RNF38: variants seen among roughly 807,000 people sequenced by gnomAD.
The protein encoded by RNF38 is ring finger protein 38, also known as E3 ubiquitin-protein ligase RNF38.
A neutral mutation model predicts 67.2 loss-of-function variants in RNF38; 15 were observed. That is an observed-to-expected ratio of 0.22 (90% confidence interval 0.15 to 0.34). The LOEUF is 0.34. Among genes scored for constraint, RNF38 ranks in the 10% least tolerant of loss-of-function variants. The pLI is 1.00. For synonymous variants in RNF38, 220 were observed against 218.8 expected, an observed-to-expected ratio of 1.01 and a Z score of -0.05; for missense variants, 524 against 639.9, an observed-to-expected ratio of 0.82 and a Z score of 1.95.
chr9:36,400,169 T>A lies in RNF38; in HGVS notation c.-61A>T. ...CTCAATAACCTGAAACACTCCCGTT[T>A]CAAAAACCAACCTCTCTCACGCTTC... On this transcript the variant is annotated 5_prime_UTR_variant, in exon 1 of 12. Coordinates refer to ENST00000259605, the MANE Select transcript of RNF38 (RefSeq NM_022781.5). 1 of 1,599,518 alleles carries A rather than the reference T, an allele frequency of 6.3e-7. No homozygotes were observed. The highest frequency in any genetic ancestry group is 2.2e-5 in the East Asian group (1 of 44,648).
intron 4 of RNF38, among the ~76,000 whole-genome samples, chr9:36,368,768 T>C (rs552152615): frequency 0.011 from 1,679 of 152,310 alleles, 28 homozygotes; most frequent in African/African-American, 0.038. Flanking sequence ...TAGATGAAAA[T>C]TGAGATCCTA....
At chr9:36,352,922 TA>T (rs1328129155) in intron 7 of RNF38, 74 bp from the exon 8 acceptor site, 6 of 1,092,688 alleles carry the variant, frequency 5.5e-6, no homozygotes, top group South Asian at 1.4e-5. Context: ...AGTATCTAAT[TA>T]AAAAAAGACT....
At chr9:36,468,837 G>A (rs1171564611) in intron 1 of RNF38, among the ~76,000 whole-genome samples, 1 of 152,066 alleles carries the variant, frequency 6.6e-6, no homozygotes, top group Non-Finnish European at 1.5e-5. Flanking sequence ...AATTAGGCCA[G>A]GCACAGTGGT....
At chr9:36,472,808 T>C (rs1473510542) in intron 1 of RNF38, among the ~76,000 whole-genome samples, 1 of 152,162 alleles carries the variant, frequency 6.6e-6, no homozygotes, top group African/African-American at 2.4e-5. Context: ...ATATGCCTGA[T>C]TTATAGAGAA....
chr9:36,419,793 G>C (rs1838572022), intron 2 of RNF38, among the ~76,000 whole-genome samples: 1 of 152,172 alleles, frequency 6.6e-6, no homozygotes, highest in Non-Finnish European at 1.5e-5. Flanking sequence ...CTGCACCCCA[G>C]CCTGGGTAAC....
At chr9:36,423,948 CAAAAA>C (rs1176900248) in intron 2 of RNF38, among the ~76,000 whole-genome samples, 667 of 7,364 alleles carry the variant, frequency 0.091, 51 homozygotes, top group Admixed American at 0.29. Flanking sequence ...GACTCCGTCT[CAAAAA>C]AAAAAAAAAA....
chr9:36,369,070 T>C (rs1307118561), intron 4 of RNF38, among the ~76,000 whole-genome samples: 1 of 152,162 alleles, frequency 6.6e-6, no homozygotes, highest in East Asian at 1.9e-4. Context: ...TATGAAAACC[T>C]ATAAGCAAAG....
At chr9:36,476,304 G>A (rs1645476894) in intron 1 of RNF38, among the ~76,000 whole-genome samples, 1 of 151,888 alleles carries the variant, frequency 6.6e-6, no homozygotes, top group African/African-American at 2.4e-5. Context: ...TTTTAGTAGA[G>A]ACGGGGTTTC....
At chr9:36,388,939 G>A (rs1587584494) in intron 2 of RNF38, among the ~76,000 whole-genome samples, 1 of 152,080 alleles carries the variant, frequency 6.6e-6, no homozygotes. Flanking sequence ...AGCATAACTG[G>A]AACTAACAAA....
In RNF38 at chr9:36,363,417, A is replaced by G. The variant is rs1416266471; in HGVS notation, c.571-5475T>C. Among the ~76,000 whole-genome samples, 2 of 100,636 alleles carry G rather than the reference A, an allele frequency of 2.0e-5. 1 individual carries two copies. Among genetic ancestry groups the G allele is most frequent in the Non-Finnish European group, 5.2e-5 (2 of 38,726 alleles). The allele number at this position is 100,636 out of a possible 152,430, so 66.0% of individuals were successfully genotyped here. On this transcript the variant is annotated intron_variant, in intron 4 of 11. Coordinates refer to ENST00000259605, the MANE Select transcript of RNF38 (RefSeq NM_022781.5). ...TTAGAAACTGACCAACAGGTTTCCA[A>G]AAGATCATGCTACTTTTTACTTCCA...
intron 1 of RNF38, among the ~76,000 whole-genome samples, chr9:36,393,523 G>GTGTGTGTGTGTGTGTGTGTGT (rs1554689616): frequency 1.2e-5 from 1 of 83,568 alleles, no homozygotes; most frequent in Non-Finnish European, 3.0e-5. Context: ...GTGTGTGTGT[G>GTGTGTGTGTGTGTGTGTGTGT]GGGCAGGCAG....
chr9:36,471,282 T>G (rs1485538734), intron 1 of RNF38, among the ~76,000 whole-genome samples: 2 of 152,230 alleles, frequency 1.3e-5, no homozygotes, highest in African/African-American at 2.4e-5. Flanking sequence ...CCCCTTTCAA[T>G]TTAATAACTT....
intron 1 of RNF38, among the ~76,000 whole-genome samples, chr9:36,448,171 G>A (rs940351311): frequency 1.3e-5 from 2 of 152,226 alleles, no homozygotes; most frequent in Admixed American, 1.3e-4. Context: ...GCCTGGGCCA[G>A]CAATCTACCA....
At chr9:36,432,266 C>G (rs1045256007) in intron 1 of RNF38, among the ~76,000 whole-genome samples, 4 of 151,954 alleles carry the variant, frequency 2.6e-5, no homozygotes, top group African/African-American at 9.7e-5. Flanking sequence ...TCCCAAGTAG[C>G]TGGGATTACA....
intron 1 of RNF38, among the ~76,000 whole-genome samples, chr9:36,477,494 T>C (rs116670196): frequency 0.05 from 7,613 of 151,604 alleles, 589 homozygotes; most frequent in African/African-American, 0.17. Context: ...TAGGCAACAT[T>C]GTGAAACCTC....
intron 1 of RNF38, among the ~76,000 whole-genome samples, chr9:36,427,038 A>G (rs1321340044): frequency 1.3e-5 from 2 of 152,182 alleles, no homozygotes; most frequent in Non-Finnish European, 2.9e-5. Context: ...GACACTGCCT[A>G]AGTCCTCAAT....
At chr9:36,446,676 C>T (rs1192810921) in intron 1 of RNF38, among the ~76,000 whole-genome samples, 1 of 151,336 alleles carries the variant, frequency 6.6e-6, no homozygotes, top group African/African-American at 2.4e-5. Context: ...GGCATGATGG[C>T]CCCCGCCTGT....
rs751894080 is a variant in RNF38 at position 36,353,254 on chromosome 9, T to A, written c.987A>T (p.Ser329=). 6.2e-7 allele frequency: 1 copy of A among 1,613,296 alleles called. No homozygotes were observed. The highest frequency in any genetic ancestry group is 8.5e-7 in the Non-Finnish European group (1 of 1,179,550). Residue 329 remains serine, a synonymous_variant, in exon 7 of 12, where the codon TCA becomes TCT. Coordinates refer to ENST00000259605, the MANE Select transcript of RNF38 (RefSeq NM_022781.5). ...ATGGAGGTAATGTTGGGGGGTGGGC[T>A]GATGGAGGGTAAGTAAAACCTCCTA... is the stretch of plus-strand genomic sequence containing the variant. ...LPVGGFTYPP[S]AHPPTLPPSA...
chr9:36,379,136 G>A (rs944781825), intron 2 of RNF38, among the ~76,000 whole-genome samples: 2 of 152,136 alleles, frequency 1.3e-5, no homozygotes, highest in African/African-American at 4.8e-5. Context: ...TCGACCTCAG[G>A]TGATCCGACC....
Sources: allele counts gnomAD v4.1 joint callset (sites outside exome capture counted in the v4.1 genomes callset), GRCh38; gene constraint gnomAD v4.1.1; transcripts MANE v1.5; gene names NCBI Gene and HGNC (gene_info 2026-07-23, HGNC 2026-07-21).